Variants in ADAM2 observed in about 807,000 individuals in gnomAD.
ADAM2 encodes ADAM metallopeptidase domain 2.
In ADAM2, 101 loss-of-function variants were observed where a neutral mutation model predicts 99.3. That is an observed-to-expected ratio of 1.02 (90% confidence interval 0.87 to 1.20). The LOEUF is 1.20. Among genes scored for constraint, ADAM2 ranks in the 50% most tolerant of loss-of-function variants. The pLI, the probability that ADAM2 is intolerant of heterozygous loss-of-function variation, is 0.00. For missense variants in ADAM2, 948 were observed against 878.7 expected, an observed-to-expected ratio of 1.08 and a Z score of -1.00; for synonymous variants, 323 against 287.6, an observed-to-expected ratio of 1.12 and a Z score of -1.25.
chr8:39,818,689 T>C (rs935084592), intron 6 of ADAM2, among the ~76,000 whole-genome samples: 12 of 152,024 alleles, frequency 7.9e-5, no homozygotes, highest in African/African-American at 2.9e-4. Flanking sequence ...TGGAGTTCAA[T>C]AGAGAACTAA....
intron 2 of ADAM2, 145 bp downstream of exon 2, chr8:39,836,991 T>C: frequency 1.7e-6 from 1 of 592,668 alleles, no homozygotes; most frequent in African/African-American, 1.9e-5. Context: ...TGGTTCATTT[T>C]CAAAAGGGCT....
At position 39,838,211 on chromosome 8, in the gene ADAM2, G is replaced by T; in HGVS notation, c.-26C>A. ...GGCTTGAAGTCCTGGGTCCCAGCCG[G>T]AATAATGGCAGTTGGTGGTTACAGG... On this transcript the variant is annotated 5_prime_UTR_variant, in exon 1 of 21. Transcript: ENST00000265708. The T allele has an allele frequency of 6.2e-7, 1 of 1,613,972 alleles. No homozygotes were observed.
chr8:39,794,698 C>T (rs1563362656), intron 7 of ADAM2, among the ~76,000 whole-genome samples: 1 of 152,000 alleles, frequency 6.6e-6, no homozygotes, highest in Non-Finnish European at 1.5e-5. Context: ...CAGTCACATA[C>T]CCCCTGCTTG....
At chr8:39,811,761 A>T (rs1804706577) in intron 6 of ADAM2, among the ~76,000 whole-genome samples, 1 of 152,236 alleles carries the variant, frequency 6.6e-6, no homozygotes. Context: ...TAAACTAGGT[A>T]TTGATGGGAC....
At chr8:39,833,877 TG>T in intron 3 of ADAM2, 66 bp downstream of exon 3, 1 of 858,838 alleles carries the variant, frequency 1.2e-6, no homozygotes, top group Non-Finnish European at 2.0e-6. Context: ...AATTACATTC[TG>T]GACAATTTCA....
intron 6 of ADAM2, among the ~76,000 whole-genome samples, chr8:39,810,778 T>G (rs1400795523): frequency 1.3e-5 from 2 of 151,638 alleles, no homozygotes; most frequent in African/African-American, 2.4e-5. Context: ...GGGACACATT[T>G]AAAGCAGTGT....
intron 8 of ADAM2, 66 bp from the exon 9 acceptor site, chr8:39,788,317 T>C (rs1186839727): frequency 9.8e-6 from 10 of 1,022,090 alleles, no homozygotes; most frequent in Non-Finnish European, 1.3e-5. Context: ...ATATATATGT[T>C]TGAAAACAAA....
intron 2 of ADAM2, 36 bp from the exon 3 acceptor site, chr8:39,834,035 GA>G (rs773597230): frequency 5.8e-5 from 69 of 1,186,804 alleles, no homozygotes; most frequent in Admixed American, 2.6e-4. Flanking sequence ...CAAAGAAAAT[GA>G]AAAAAAATGT....
chr8:39,747,673 C>T (rs138226618), intron 18 of ADAM2, among the ~76,000 whole-genome samples: 55 of 152,226 alleles, frequency 3.6e-4, no homozygotes, highest in African/African-American at 1.3e-3. Flanking sequence ...TACTTTCAAA[C>T]CAATAAAATC....
chr8:39,827,759 G>A (rs1189255461), intron 3 of ADAM2, among the ~76,000 whole-genome samples: 1 of 152,058 alleles, frequency 6.6e-6, no homozygotes, highest in Non-Finnish European at 1.5e-5. Flanking sequence ...TGGTTAAAGA[G>A]AAGAAAGTTT....
intron 10 of ADAM2, among the ~76,000 whole-genome samples, chr8:39,785,478 A>G (rs1803427542): frequency 6.6e-6 from 1 of 152,204 alleles, no homozygotes; most frequent in Non-Finnish European, 1.5e-5. Context: ...ATAACTTAAA[A>G]CAGAACTACC....
intron 2 of ADAM2, among the ~76,000 whole-genome samples, chr8:39,835,012 A>G (rs1805765686): frequency 6.6e-6 from 1 of 152,152 alleles, no homozygotes. Context: ...ATTAATTACT[A>G]TTCTAGTAAA....
In ADAM2 at chr8:39,754,954, A is replaced by C. The variant is rs77124895; in HGVS notation, c.1797+774T>G. On this transcript the variant is annotated intron_variant, in intron 16 of 20. Coordinates refer to ENST00000265708, the MANE Select transcript of ADAM2 (RefSeq NM_001464.5). ...ATTCTACAACTCCATGTGTGTGTGC[A>C]TGTCTATGAAAAATTGATGGAAGGT... Among the ~76,000 whole-genome samples the C allele has an allele frequency of 1.8e-3, 275 of 152,334 alleles. 7 individuals carry two copies. In the East Asian group the frequency reaches 0.047, roughly 26 times the overall value.
intron 6 of ADAM2, among the ~76,000 whole-genome samples, chr8:39,811,092 AT>A (rs1804674252): frequency 6.6e-6 from 1 of 152,226 alleles, no homozygotes; most frequent in African/African-American, 2.4e-5. Context: ...ACAATAAAAA[AT>A]GATAAAGGGG....
rs772758751 is a variant in ADAM2, at chr8:39,766,894, T to G, written c.1461A>C (p.Gly487=). Residue 487 remains glycine, a synonymous_variant, in exon 14 of 21, where the codon GGA becomes GGC. Transcript: ENST00000265708. The part of the protein sequence containing the change: ...CGLNQWICID[G]VCMSGDKQCT... ...ATTGTTTATCCCCACTCATACAAAC[T>G]CCATCTATACAGATCCATTGATTCA... 2 of 1,612,042 alleles carry G rather than the reference T, an allele frequency of 1.2e-6. No individual in the cohort carries two copies. The highest frequency in any genetic ancestry group is 2.7e-5 in the African/African-American group (2 of 74,872).
intron 3 of ADAM2, among the ~76,000 whole-genome samples, chr8:39,831,980 G>C (rs1222876224): frequency 1.3e-5 from 2 of 152,126 alleles, no homozygotes; most frequent in African/African-American, 4.8e-5. Context: ...TTCTCAAATT[G>C]AAAATTCAGA....
intron 14 of ADAM2, among the ~76,000 whole-genome samples, chr8:39,766,463 G>T (rs1802570530): frequency 2.0e-5 from 3 of 147,284 alleles, no homozygotes; most frequent in African/African-American, 5.0e-5. Flanking sequence ...CTTTTGAGGT[G>T]GAGTCTCACT....
chr8:39,780,612 C>G (rs1228147654), intron 10 of ADAM2, among the ~76,000 whole-genome samples: 1 of 152,036 alleles, frequency 6.6e-6, no homozygotes, highest in Non-Finnish European at 1.5e-5. Flanking sequence ...TTTATTTTGC[C>G]TATATTCACA....
chr8:39,760,448 G>T (rs555743039), intron 15 of ADAM2, among the ~76,000 whole-genome samples: 1 of 152,180 alleles, frequency 6.6e-6, no homozygotes, highest in African/African-American at 2.4e-5. Context: ...TTGGCCAGGC[G>T]CGGTGGCTCA....
Sources: gnomAD v4.1 joint callset for allele counts (sites outside exome capture counted in the v4.1 genomes callset) on GRCh38, gnomAD v4.1.1 for gene constraint, MANE v1.5 for transcripts, NCBI Gene and HGNC (gene_info 2026-07-23, HGNC 2026-07-21) for gene names.